The following KCND2 variants were observed in gnomAD, a reference collection of about 807,000 sequenced individuals.
KCND2 encodes the protein A-type voltage-gated potassium channel KCND2.
A neutral mutation model predicts 54.4 loss-of-function variants in KCND2; 16 were observed. The observed-to-expected ratio is 0.29, with a 90% CI of 0.20 to 0.45. The LOEUF (loss-of-function observed/expected upper bound fraction) is 0.45. Ranked by LOEUF, KCND2 falls within the 20% of genes least tolerant of loss-of-function variation. The probability of loss-of-function intolerance (pLI) is 1.00; values close to 1 mark genes in which losing one functional copy is unlikely to be tolerated. For missense variants in KCND2, 486 were observed against 824.2 expected (o/e 0.59, Z 5.02); for synonymous variants, 317 against 310.7 (o/e 1.02, Z -0.21).
Position 120,748,000 on chromosome 7 carries a change from C to A in KCND2, c.*142C>A. ...GGTAGTGAAACACAAAGCTTCCAAT[C>A]TTAAGGATGTGAATAAAACCACCAA... On this transcript the variant is annotated 3_prime_UTR_variant, in exon 6 of 6. Coordinates refer to ENST00000331113, the MANE Select transcript of KCND2 (RefSeq NM_012281.3). 1.4e-6 allele frequency: 1 copy of A among 705,680 alleles called. No homozygotes were observed. Among genetic ancestry groups the A allele is most frequent in the Non-Finnish European group, 2.4e-6 (1 of 413,366 alleles). 43.7% of individuals were successfully genotyped at this position (705,680 alleles called of 1,614,324 possible).
At chr7:120,613,251 C>G (rs1281362472) in intron 1 of KCND2, among the ~76,000 whole-genome samples, 1 of 152,052 alleles carries the variant, frequency 6.6e-6, no homozygotes, top group Admixed American at 6.6e-5. Context: ...GGGTTGTGGC[C>G]AGGCATAGTG....
intron 1 of KCND2, among the ~76,000 whole-genome samples, chr7:120,477,055 A>G (rs1001119318): frequency 5.3e-5 from 8 of 152,202 alleles, no homozygotes; most frequent in African/African-American, 1.9e-4. Flanking sequence ...GCATTGGTGC[A>G]TAATGGTAAG....
At chr7:120,656,843 G>T (rs1023973102) in intron 1 of KCND2, among the ~76,000 whole-genome samples, 2 of 152,122 alleles carry the variant, frequency 1.3e-5, no homozygotes, top group African/African-American at 2.4e-5. Flanking sequence ...AGTCCCTCGT[G>T]CAGAATGACT....
chr7:120,318,560 T>C (rs1465498055), intron 1 of KCND2, among the ~76,000 whole-genome samples: 2 of 152,110 alleles, frequency 1.3e-5, no homozygotes, highest in East Asian at 3.8e-4. Context: ...GATAGCATTG[T>C]TACTTGTTCA....
At chr7:120,549,986 G>A (rs1053564573) in intron 1 of KCND2, among the ~76,000 whole-genome samples, 2 of 152,030 alleles carry the variant, frequency 1.3e-5, no homozygotes, top group Non-Finnish European at 2.9e-5. Context: ...GGAGAGTTGG[G>A]AAGAATAGAT....
chr7:120,484,696 T>TACACACAC (rs1214283807), intron 1 of KCND2, among the ~76,000 whole-genome samples: 1 of 127,732 alleles, frequency 7.8e-6, no homozygotes, highest in Non-Finnish European at 1.6e-5. Context: ...TTATATATAT[T>TACACACAC]ACACGCACAC....
chr7:120,495,296 A>G (rs1802833543), intron 1 of KCND2, among the ~76,000 whole-genome samples: 1 of 152,080 alleles, frequency 6.6e-6, no homozygotes, highest in African/African-American at 2.4e-5. Flanking sequence ...TTTAAAAGGT[A>G]TTAGAAACAC....
At chr7:120,595,899 G>A (rs1442381952) in intron 1 of KCND2, among the ~76,000 whole-genome samples, 2 of 151,550 alleles carry the variant, frequency 1.3e-5, no homozygotes, top group African/African-American at 4.9e-5. Flanking sequence ...AGGAGGGAGG[G>A]AGGGAGGCAG....
At chr7:120,475,804 T>C (rs1802525776) in intron 1 of KCND2, among the ~76,000 whole-genome samples, 1 of 152,192 alleles carries the variant, frequency 6.6e-6, no homozygotes. Flanking sequence ...TGAATATTAC[T>C]CTTAACACAG....
At chr7:120,741,284 T>C (rs1562925359) in intron 2 of KCND2, among the ~76,000 whole-genome samples, 1 of 152,150 alleles carries the variant, frequency 6.6e-6, no homozygotes, top group Non-Finnish European at 1.5e-5. Context: ...CTTGATCTTA[T>C]TGTAAAGACT....
chr7:120,525,864 A>G (rs1175103610), intron 1 of KCND2, among the ~76,000 whole-genome samples: 2 of 152,074 alleles, frequency 1.3e-5, no homozygotes, highest in African/African-American at 4.8e-5. Context: ...CCCTGTCCAA[A>G]TTCTCCTTTA....
chr7:120,441,078 A>C (rs889303772), intron 1 of KCND2, among the ~76,000 whole-genome samples: 1 of 152,218 alleles, frequency 6.6e-6, no homozygotes, highest in East Asian at 1.9e-4. Flanking sequence ...ATGGAAAAAA[A>C]AAATAAACCA....
chr7:120,695,810 G>T (rs1235553053), intron 1 of KCND2, among the ~76,000 whole-genome samples: 1 of 152,124 alleles, frequency 6.6e-6, no homozygotes, highest in Non-Finnish European at 1.5e-5. Flanking sequence ...TAATCAGAAT[G>T]CAAAGTATCT....
chr7:120,289,695 C>A (rs1010869939), intron 1 of KCND2, among the ~76,000 whole-genome samples: 5 of 152,192 alleles, frequency 3.3e-5, no homozygotes, highest in Middle Eastern at 3.4e-3. Context: ...AGCAGCTATT[C>A]TTTCCCTTCA....
rs183801799 is a variant in KCND2 at position 120,727,117 on chromosome 7, A to G, written c.1116-5786A>G. ...TTTGTACTCTATCAAATGAACATAC[A>G]TTTATACCCATCAAATAAAAAGAGA... On this transcript the variant is annotated intron_variant, in intron 1 of 5. Transcript: ENST00000331113. Among the ~76,000 whole-genome samples, 15 of 152,306 alleles carry G rather than the reference A, an allele frequency of 9.8e-5. No individual in the cohort carries two copies. In the East Asian group the frequency reaches 2.9e-3, roughly 29 times the overall value.
At chr7:120,398,929 G>A (rs941319809) in intron 1 of KCND2, among the ~76,000 whole-genome samples, 1 of 151,930 alleles carries the variant, frequency 6.6e-6, no homozygotes, top group Non-Finnish European at 1.5e-5. Context: ...ATGAAGAGAA[G>A]CTGATAAACC....
intron 1 of KCND2, among the ~76,000 whole-genome samples, chr7:120,667,840 C>T (rs1473855202): frequency 1.1e-4 from 16 of 151,936 alleles, no homozygotes; most frequent in Admixed American, 1.0e-3. Flanking sequence ...TGTCACTCTA[C>T]CCTGATCTCA....
intron 1 of KCND2, among the ~76,000 whole-genome samples, chr7:120,610,792 C>T (rs1344201909): frequency 6.6e-6 from 1 of 152,182 alleles, no homozygotes; most frequent in Non-Finnish European, 1.5e-5. Flanking sequence ...TGCATACCTT[C>T]ACACTGATGG....
At chr7:120,728,340 G>A (rs1212206795) in intron 1 of KCND2, among the ~76,000 whole-genome samples, 2 of 148,208 alleles carry the variant, frequency 1.3e-5, no homozygotes, top group African/African-American at 5.0e-5. Flanking sequence ...TGCCCAGGCT[G>A]GAGTGCAATG....
Sources: gnomAD v4.1 joint callset for allele counts (sites outside exome capture counted in the v4.1 genomes callset) on GRCh38, gnomAD v4.1.1 for gene constraint, MANE v1.5 for transcripts, NCBI Gene and HGNC (gene_info 2026-07-23, HGNC 2026-07-21) for gene names.